Variants in RHBDL2 observed in about 807,000 individuals in gnomAD.
The protein encoded by RHBDL2 is rhomboid like 2, also known as rhomboid-related protein 2.
RHBDL2 carries 26 observed loss-of-function variants against 31.7 expected under a neutral mutation model. The ratio of observed to expected loss-of-function variants is 0.82; its 90% CI spans 0.60 to 1.14. The LOEUF (loss-of-function observed/expected upper bound fraction) is 1.14. RHBDL2 is among the 50% of genes most tolerant of loss of function. RHBDL2 has a pLI of 0.00. For missense variants in RHBDL2, 336 were observed against 364.4 expected, an observed-to-expected ratio of 0.92 and a Z score of 0.63; for synonymous variants, 123 against 127.2, an observed-to-expected ratio of 0.97 and a Z score of 0.22.
At chr1:38,941,211 C>T (rs1033688278) in intron 1 of RHBDL2, among the ~76,000 whole-genome samples, 4 of 152,120 alleles carry the variant, frequency 2.6e-5, no homozygotes, top group Non-Finnish European at 5.9e-5. Context: ...AAGAAGGAAA[C>T]AAATAACTCT....
intron 4 of RHBDL2, among the ~76,000 whole-genome samples, chr1:38,904,889 G>C (rs968855455): frequency 2.0e-5 from 3 of 149,114 alleles, no homozygotes; most frequent in African/African-American, 7.3e-5. Flanking sequence ...AAATTAGCCG[G>C]GCGTGGTAGC....
At chr1:38,901,974 A>T (rs1474257737) in intron 4 of RHBDL2, among the ~76,000 whole-genome samples, 2 of 151,766 alleles carry the variant, frequency 1.3e-5, no homozygotes, top group African/African-American at 4.8e-5. Flanking sequence ...GTAGACAGAA[A>T]ATCAGAAGAC....
intron 4 of RHBDL2, among the ~76,000 whole-genome samples, chr1:38,903,202 C>T (rs12045405): frequency 0.35 from 52,659 of 151,536 alleles, 10,614 homozygotes; most frequent in Non-Finnish European, 0.45. Flanking sequence ...TGCAATGGCG[C>T]GATCTTGGCT....
At chr1:38,928,009 A>G (rs1643396723) in intron 1 of RHBDL2, among the ~76,000 whole-genome samples, 1 of 152,176 alleles carries the variant, frequency 6.6e-6, no homozygotes, top group African/African-American at 2.4e-5. Flanking sequence ...GTGTTATAGA[A>G]AGGTACTCCT....
intron 1 of RHBDL2, among the ~76,000 whole-genome samples, chr1:38,936,128 C>CAGG (rs1557625437): frequency 6.6e-6 from 1 of 152,142 alleles, no homozygotes. Flanking sequence ...GATTCAAACT[C>CAGG]CTGGGCTCAA....
chr1:38,921,824 T>C (rs1299985681), intron 1 of RHBDL2, among the ~76,000 whole-genome samples: 1 of 152,186 alleles, frequency 6.6e-6, no homozygotes, highest in Non-Finnish European at 1.5e-5. Context: ...TTGACAAAAC[T>C]ACAATGTGGA....
intron 3 of RHBDL2, among the ~76,000 whole-genome samples, 192 bp from the exon 4 acceptor site, chr1:38,911,626 G>A (rs1643144623): frequency 7.7e-6 from 1 of 129,882 alleles, no homozygotes; most frequent in Middle Eastern, 3.9e-3. Context: ...GTGTGTGTGT[G>A]TGTGTGTGTG....
chr1:38,904,407 A>C (rs6701396), intron 4 of RHBDL2, among the ~76,000 whole-genome samples: 12,190 of 151,934 alleles, frequency 0.08, 513 homozygotes, highest in Middle Eastern at 0.17. Flanking sequence ...CGGAGGCGGA[A>C]TTTGCAGTGA....
Position 38,919,162 on chromosome 1 carries a change from C to G in RHBDL2, c.51G>C (p.Gly17=), listed in dbSNP as rs1007479728. 3.1e-6 allele frequency: 5 copies of G among 1,614,026 alleles called. No individual in the cohort carries two copies. Among genetic ancestry groups the G allele is most frequent in the Non-Finnish European group, 4.2e-6 (5 of 1,180,044 alleles). The change falls in exon 2 of 8, where the codon GGG becomes GGC. Residue 17 remains glycine, a synonymous_variant. Transcript: ENST00000372990. ...LEMESMNLNM[G]REMKEELEEE... is the part of the protein sequence containing the mutation. ...CCTCCAGCTCTTCTTTCATCTCTCT[C>G]CCCATATTCAGATTCATGCTCTCCA...
chr1:38,893,617 T>C (rs1642880011), intron 5 of RHBDL2, among the ~76,000 whole-genome samples: 1 of 152,134 alleles, frequency 6.6e-6, no homozygotes, highest in South Asian at 2.1e-4. Context: ...CCCAGTAGTA[T>C]TTAGCAAAGA....
At chr1:38,923,550 C>G (rs968478757) in intron 1 of RHBDL2, among the ~76,000 whole-genome samples, 1 of 152,172 alleles carries the variant, frequency 6.6e-6, no homozygotes, top group African/African-American at 2.4e-5. Flanking sequence ...TATATAAACT[C>G]CATGGGCTCT....
intron 1 of RHBDL2, among the ~76,000 whole-genome samples, chr1:38,921,389 A>G (rs1643313181): frequency 6.6e-6 from 1 of 152,208 alleles, no homozygotes; most frequent in Non-Finnish European, 1.5e-5. Flanking sequence ...TCGAAGAAAA[A>G]GAAAAGAACT....
chr1:38,939,711 G>A (rs1350730320), intron 1 of RHBDL2, among the ~76,000 whole-genome samples: 1 of 151,846 alleles, frequency 6.6e-6, no homozygotes, highest in African/African-American at 2.4e-5. Flanking sequence ...GGCTAATTTT[G>A]TTTTATTTTT....
At chr1:38,940,730 T>C (rs1043336363) in intron 1 of RHBDL2, among the ~76,000 whole-genome samples, 3 of 152,180 alleles carry the variant, frequency 2.0e-5, no homozygotes, top group Non-Finnish European at 4.4e-5. Flanking sequence ...ACATGCATTG[T>C]TCCCTGTCAT....
chr1:38,892,619 T>C (rs1426952252), intron 6 of RHBDL2, among the ~76,000 whole-genome samples: 1 of 152,170 alleles, frequency 6.6e-6, no homozygotes, highest in African/African-American at 2.4e-5. Flanking sequence ...GTCTGGGAAA[T>C]GTGGAAAGGC....
At chr1:38,907,957 A>C (rs1046444161) in intron 4 of RHBDL2, among the ~76,000 whole-genome samples, 2 of 152,162 alleles carry the variant, frequency 1.3e-5, no homozygotes, top group Non-Finnish European at 2.9e-5. Context: ...GACAAGCTAC[A>C]GACTGGGTGA....
chr1:38,938,558 T>A (rs1643533635), intron 1 of RHBDL2, among the ~76,000 whole-genome samples: 1 of 152,136 alleles, frequency 6.6e-6, no homozygotes, highest in Admixed American at 6.6e-5. Flanking sequence ...CCATTTGTTG[T>A]CCCAGGGAAG....
intron 7 of RHBDL2, among the ~76,000 whole-genome samples, chr1:38,886,918 A>G (rs1642791784): frequency 6.6e-6 from 1 of 152,228 alleles, no homozygotes; most frequent in African/African-American, 2.4e-5. Context: ...TTAGAGTACA[A>G]AAGACAGAGA....
Position 38,886,042 on chromosome 1 carries a change from C to G in RHBDL2, c.*462G>C, listed in dbSNP as rs191338215. 18 of 152,400 alleles carry G rather than the reference C, an allele frequency of 1.2e-4. No individual in the cohort carries two copies. In the East Asian group the frequency reaches 3.1e-3, roughly 26 times the overall value. The allele number at this position is 152,400 out of a possible 1,614,324, so 9.4% of individuals were successfully genotyped here. A position where few individuals can be genotyped will look rare whatever the true frequency, so the allele number is the denominator to read the frequency against. The stretch of plus-strand genomic sequence containing the variant: ...CTCGGCTCACTGCAACCTTCGCCTC[C>G]CAGGTTCAAGCAATTCTCCTGCCTC... On this transcript the variant is annotated 3_prime_UTR_variant, in exon 8 of 8. Transcript: ENST00000372990.
Sources: allele counts gnomAD v4.1 joint callset (sites outside exome capture counted in the v4.1 genomes callset), GRCh38; gene constraint gnomAD v4.1.1; transcripts MANE v1.5; gene names NCBI Gene and HGNC (gene_info 2026-07-23, HGNC 2026-07-21).